Variants in UNK observed in about 807,000 individuals in gnomAD.
UNK encodes the protein unk zinc finger.
UNK carries 32 observed loss-of-function variants against 97.6 expected under a neutral mutation model. That is an observed-to-expected ratio of 0.33 (90% confidence interval 0.25 to 0.44). The LOEUF is 0.44. Among genes scored for constraint, UNK ranks in the 20% least tolerant of loss-of-function variants. The pLI is 1.00. For synonymous variants in UNK, 441 were observed against 461.2 expected (o/e 0.96, Z 0.56); for missense variants, 771 against 1,098.4 (o/e 0.70, Z 4.21).
intron 1 of UNK, among the ~76,000 whole-genome samples, chr17:75,804,171 T>C (rs1401806716): frequency 6.6e-6 from 1 of 152,206 alleles, no homozygotes; most frequent in Non-Finnish European, 1.5e-5. Context: ...TGAAATCCAC[T>C]GGGTGGGCGT....
intron 1 of UNK, chr17:75,785,949 A>G (rs2061706453): frequency 6.6e-6 from 1 of 152,190 alleles, no homozygotes; most frequent in African/African-American, 2.4e-5. Context: ...GGGGTTGAAC[A>G]GCTCTTAAGT....
chr17:75,787,853 C>G lies in UNK; in HGVS notation c.104+2869C>G, dbSNP rs115764898. On this transcript the variant is annotated intron_variant, in intron 1 of 15. Transcript: ENST00000589666. ...AAAAAAAAAAAGAGAGACGTGATCT[C>G]TCTGTGTTAACCAGGTGGACTTGAA... is the stretch of plus-strand genomic sequence containing the variant. Among the ~76,000 whole-genome samples, 654 of 151,210 alleles carry G rather than the reference C, an allele frequency of 4.3e-3. 4 individuals are homozygous for G. The highest frequency in any genetic ancestry group is 0.014 in the African/African-American group (596 of 41,306).
In UNK at chr17:75,820,869, G is replaced by C. The variant is rs116795047; in HGVS notation, c.1837+761G>C. On this transcript the variant is annotated intron_variant, in intron 13 of 15. Coordinates refer to ENST00000589666, the MANE Select transcript of UNK (RefSeq NM_001080419.3). Reference sequence around the variant, plus strand: ...AGCATTTTGCTCGGGCCCAGGGAATGAGCCCTTCAGAGTTCTGATTGGGTT... The same window carrying C: ...AGCATTTTGCTCGGGCCCAGGGAATCAGCCCTTCAGAGTTCTGATTGGGTT... 5.8e-3 allele frequency among the ~76,000 whole-genome samples: 878 copies of C among 152,248 alleles called. 6 individuals are homozygous for C. The highest frequency in any genetic ancestry group is 0.018 in the African/African-American group (728 of 41,532).
chr17:75,803,688 A>G (rs1262392135), intron 1 of UNK, among the ~76,000 whole-genome samples: 1 of 152,196 alleles, frequency 6.6e-6, no homozygotes. Context: ...GGTTTTGTGA[A>G]TCATCATCAG....
chr17:75,794,380 T>A (rs2061787343), intron 1 of UNK, among the ~76,000 whole-genome samples: 1 of 152,180 alleles, frequency 6.6e-6, no homozygotes, highest in Non-Finnish European at 1.5e-5. Context: ...CTCACGCCTG[T>A]AATCCCAGCA....
At chr17:75,795,734 C>T (rs12601949) in intron 1 of UNK, among the ~76,000 whole-genome samples, 5,809 of 152,246 alleles carry the variant, frequency 0.038, 400 homozygotes, top group East Asian at 0.35. Context: ...ACATCAGTGA[C>T]GTGAGTGACC....
At chr17:75,800,449 T>C (rs2061845678) in intron 1 of UNK, among the ~76,000 whole-genome samples, 1 of 150,824 alleles carries the variant, frequency 6.6e-6, no homozygotes, top group Non-Finnish European at 1.5e-5. Context: ...TAAATAAAGC[T>C]TCCTTTGGGC....
intron 1 of UNK, among the ~76,000 whole-genome samples, chr17:75,806,267 A>T (rs2061915567): frequency 6.6e-6 from 1 of 151,124 alleles, no homozygotes; most frequent in Admixed American, 6.6e-5. Flanking sequence ...CATCTGGCTA[A>T]CATGGTGAAA....
chr17:75,800,118 G>T (rs183540867), intron 1 of UNK, among the ~76,000 whole-genome samples: 41 of 152,234 alleles, frequency 2.7e-4, no homozygotes, highest in African/African-American at 9.4e-4. Flanking sequence ...CTCCTGGCTG[G>T]AGTGCAGTGG....
At position 75,819,700 on chromosome 17, in the gene UNK, C is replaced by T. The variant is rs1418512626; in HGVS notation, c.1563C>T (p.Asp521=). 2 of 1,613,876 alleles carry T rather than the reference C, an allele frequency of 1.2e-6. No individual in the cohort carries two copies. The highest frequency in any genetic ancestry group is 2.2e-5 in the South Asian group (2 of 91,092). The stretch of plus-strand genomic sequence containing the variant: ...TGTCCCTAGAGTCTGCTTTGGATGA[C>T]CTGGACCTGAATGAGTTTGGCGTGG... ...VESVIESALD[D]LDLNEFGVAA... Residue 521 remains aspartate, a synonymous_variant, in exon 12 of 16, where the codon GAC becomes GAT. Transcript: ENST00000589666. The surrounding 1 kb of genome is among the most constrained non-coding windows in gnomAD (Gnocchi z 5.4).
At chr17:75,791,162 T>G (rs2061761009) in intron 1 of UNK, among the ~76,000 whole-genome samples, 1 of 152,222 alleles carries the variant, frequency 6.6e-6, no homozygotes, top group Admixed American at 6.5e-5. Flanking sequence ...AGGAGTTTTC[T>G]GGCCACTTGG....
intron 1 of UNK, among the ~76,000 whole-genome samples, chr17:75,788,297 A>G (rs867011196): frequency 6.6e-6 from 1 of 151,468 alleles, no homozygotes; most frequent in Non-Finnish European, 1.5e-5. Flanking sequence ...CTCCTGCTTC[A>G]GCTTCCTAAG....
chr17:75,818,622 T>A lies in UNK; in HGVS notation c.1372-20T>A. On this transcript the variant is annotated intron_variant, in intron 10 of 15. Coordinates refer to ENST00000589666, the MANE Select transcript of UNK (RefSeq NM_001080419.3). The surrounding 1 kb of genome is among the most constrained non-coding windows in gnomAD (Gnocchi z 5.1). The stretch of plus-strand genomic sequence containing the variant: ...TATGCAGGCCTACCATTGCTTCTCC[T>A]CTTCCCTCTCTCGTTGCAGGACATG... The A allele has an allele frequency of 1.9e-6, 3 of 1,574,282 alleles. No homozygotes were observed. The highest frequency in any genetic ancestry group is 2.6e-6 in the Non-Finnish European group (3 of 1,157,348).
intron 1 of UNK, among the ~76,000 whole-genome samples, chr17:75,787,531 TAAAAG>T (rs145303393): frequency 0.027 from 4,012 of 150,862 alleles, 198 homozygotes; most frequent in African/African-American, 0.091. Flanking sequence ...TTCCTCTTCT[TAAAAG>T]AGACATGGGC....
Position 75,818,909 on chromosome 17 carries a change from A to AT in UNK, c.1546+93_1546+94insT. On this transcript the variant is annotated intron_variant, in intron 11 of 15. Transcript: ENST00000589666. This position sits in a 1 kb window ranked among gnomAD's most constrained non-coding sequence, Gnocchi z 5.1. ...AGCGAGTCTCAAATCAGCACACCAG[A>AT]CCCCTTAGACATCTGTCTTCGGAAA... 1 of 1,360,702 alleles carries AT rather than the reference A, an allele frequency of 7.3e-7. No individual in the cohort carries two copies. The highest frequency in any genetic ancestry group is 1.6e-5 in the South Asian group (1 of 61,344). 84.3% of individuals were successfully genotyped at this position (1,360,702 alleles called of 1,614,324 possible).
chr17:75,793,097 C>T (rs2061776780), intron 1 of UNK, among the ~76,000 whole-genome samples: 1 of 152,170 alleles, frequency 6.6e-6, no homozygotes, highest in South Asian at 2.1e-4. Flanking sequence ...GTTTGAGACT[C>T]TTAGGTGCTG....
At chr17:75,812,022 AC>A in intron 2 of UNK, 89 bp from the exon 3 acceptor site, 1 of 1,421,686 alleles carries the variant, frequency 7.0e-7, no homozygotes, top group Non-Finnish European at 9.5e-7. Context: ...AACAACAACA[AC>A]AAAAACAGTT....
Position 75,822,557 on chromosome 17 carries a change from T to A in UNK, c.1918T>A (p.Ser640Thr), listed in dbSNP as rs1244437126. Residue 640 changes from serine (S) to threonine (T), a missense_variant, in exon 14 of 16, where the codon TCA becomes ACA. Ser to Thr is a moderately conservative substitution (Grantham distance 58). Transcript: ENST00000589666. ...CCCGGGCACTTCCCCCGCTTTCCTA[T>A]CAGGGCCAGGGGCTGCCGAGCTGGC... is the stretch of plus-strand genomic sequence containing the variant. Reference protein sequence around the residue: ...FSPGTSPAFLSGPGAAELARL... With the variant: ...FSPGTSPAFLTGPGAAELARL... 6.2e-7 allele frequency: 1 copy of A among 1,613,516 alleles called. No homozygotes were observed. Among genetic ancestry groups the A allele is most frequent in the Middle Eastern group, 1.6e-4 (1 of 6,062 alleles).
Position 75,819,701 on chromosome 17 carries a change from C to T in UNK, c.1564C>T (p.Leu522=). 1 of 1,613,892 alleles carries T rather than the reference C, an allele frequency of 6.2e-7. No homozygotes were observed. Among genetic ancestry groups the T allele is most frequent in the Non-Finnish European group, 8.5e-7 (1 of 1,179,900 alleles). ...ESVIESALDD[L]DLNEFGVAAL... ...GTCCCTAGAGTCTGCTTTGGATGAC[C>T]TGGACCTGAATGAGTTTGGCGTGGC... The change falls in exon 12 of 16, where the codon CTG becomes TTG. Residue 522 remains leucine (L), a synonymous_variant. Transcript: ENST00000589666. The surrounding 1 kb of genome is among the most constrained non-coding windows in gnomAD (Gnocchi z 5.4).
Sources: gnomAD v4.1 joint callset for allele counts (sites outside exome capture counted in the v4.1 genomes callset) on GRCh38, gnomAD v4.1.1 for gene constraint, Gnocchi (gnomAD v3.1) non-coding constraint, MANE v1.5 for transcripts, NCBI Gene and HGNC (gene_info 2026-07-23, HGNC 2026-07-21) for gene names.